Variants in ZNF133 observed in about 807,000 individuals in gnomAD.
ZNF133 encodes the protein zinc finger protein 133, also known as zinc finger protein 133 (clone pHZ-13).
In ZNF133, 26 loss-of-function variants were observed where a neutral mutation model predicts 54.9. The ratio of observed to expected loss-of-function variants is 0.47; its 90% CI spans 0.35 to 0.66. ZNF133 has a LOEUF of 0.66. Ranked by LOEUF, ZNF133 falls within the 30% of genes least tolerant of loss-of-function variation. The pLI is 0.01. For synonymous variants in ZNF133, 298 were observed against 320.3 expected (o/e 0.93, Z 0.74); for missense variants, 653 against 820.8 (o/e 0.80, Z 2.50).
intron 1 of ZNF133, among the ~76,000 whole-genome samples, chr20:18,291,709 ATTT>A (rs35116436): frequency 1.4e-5 from 2 of 138,858 alleles, no homozygotes; most frequent in Non-Finnish European, 1.6e-5. Context: ...TTCCAGTTGG[ATTT>A]TTTTTTTTTT....
intron 1 of ZNF133, among the ~76,000 whole-genome samples, chr20:18,295,730 C>T (rs938576555): frequency 3.3e-5 from 5 of 152,132 alleles, no homozygotes; most frequent in East Asian, 1.9e-4. Flanking sequence ...CAGTCAGGCT[C>T]GCTGCAGCCT....
Position 18,306,343 on chromosome 20 carries a change from G to C in ZNF133, c.167G>C (p.Gly56Ala). The C allele has an allele frequency of 6.2e-6, 10 of 1,613,956 alleles. No homozygotes were observed. Among genetic ancestry groups the C allele is most frequent in the Non-Finnish European group, 8.5e-6 (10 of 1,179,944 alleles). ...GAACTCATCACCCAGCTGGAGCAAG[G>C]GAAAGAGACCTGGAGAGAGGAAAAA... ...KPELITQLEQ[G>A]KETWREEKKC... is the part of the protein sequence containing the mutation. Residue 56 changes from glycine to alanine, a missense_variant, in exon 6 of 7, where the codon GGG becomes GCG. Gly to Ala is a moderately conservative substitution (Grantham distance 60). Around this residue, in one of 4 missense-constraint regions of ZNF133, gnomAD observed 227 missense variants for 233.9 expected, o/e 0.97. Transcript: ENST00000425686.
Position 18,306,363 on chromosome 20 carries a change from G to GA in ZNF133, c.195dup (p.Cys66MetfsTer37), listed in dbSNP as rs753775995. On this transcript the variant is annotated frameshift_variant, in exon 6 of 7. Transcript: ENST00000425686. LOFTEE classifies it high-confidence loss of function. ...GCAAGGGAAAGAGACCTGGAGAGAG[G>GA]AAAAAAAATGTTCACCGGCAACCTG... 5 of 1,613,110 alleles carry GA rather than the reference G, an allele frequency of 3.1e-6. No individual in the cohort carries two copies. The highest frequency in any genetic ancestry group is 3.4e-6 in the Non-Finnish European group (4 of 1,179,660).
chr20:18,296,376 A>G (rs1196662611), intron 1 of ZNF133, among the ~76,000 whole-genome samples: 1 of 152,158 alleles, frequency 6.6e-6, no homozygotes, highest in Non-Finnish European at 1.5e-5. Context: ...TTGTACAACC[A>G]TCACCACTAT....
chr20:18,292,229 AAGG>A (rs2090447384), intron 1 of ZNF133, among the ~76,000 whole-genome samples: 1 of 152,218 alleles, frequency 6.6e-6, no homozygotes, highest in South Asian at 2.1e-4. Context: ...GAGCAAATAG[AAGG>A]AGATTTTAAA....
At chr20:18,310,243 G>A in intron 6 of ZNF133, 2 of 1,528,908 alleles carry the variant, frequency 1.3e-6, no homozygotes, top group Non-Finnish European at 1.7e-6. Context: ...AAGTCATTGT[G>A]GTTGCCCAGG....
chr20:18,300,542 TA>T (rs1054397189), intron 3 of ZNF133, among the ~76,000 whole-genome samples: 1 of 152,108 alleles, frequency 6.6e-6, no homozygotes, highest in Non-Finnish European at 1.5e-5. Flanking sequence ...ATAGTGGATT[TA>T]AAAAAACATG....
intron 6 of ZNF133, among the ~76,000 whole-genome samples, chr20:18,310,938 A>G (rs1035072109): frequency 5.9e-5 from 9 of 152,172 alleles, no homozygotes; most frequent in African/African-American, 2.2e-4. Context: ...ATTATGAAGA[A>G]TTATATGCCC....
In ZNF133 at chr20:18,305,200, T is replaced by C. The variant is rs2044315949; in HGVS notation, c.-7+22T>C. On this transcript the variant is annotated intron_variant, in intron 4 of 6. Transcript: ENST00000425686. The surrounding 1 kb of genome is among the most constrained non-coding windows in gnomAD (Gnocchi z 4.7). Reference sequence around the variant, plus strand: ...ACAGGTAAGAAAACTGGGATACTAGTTGGTGGCAGAGGTGGGTCTGAAACT... The same window carrying C: ...ACAGGTAAGAAAACTGGGATACTAGCTGGTGGCAGAGGTGGGTCTGAAACT... The C allele has an allele frequency of 1.0e-6, 1 of 989,984 alleles. No homozygotes were observed. The highest frequency in any genetic ancestry group is 1.2e-6 in the Non-Finnish European group (1 of 833,432). The allele number at this position is 989,984 out of a possible 1,614,324, so 61.3% of individuals were successfully genotyped here. A position where few individuals can be genotyped will look rare whatever the true frequency, so the allele number is the denominator to read the frequency against.
At chr20:18,294,081 A>G (rs1392752784) in intron 1 of ZNF133, among the ~76,000 whole-genome samples, 1 of 152,208 alleles carries the variant, frequency 6.6e-6, no homozygotes, top group African/African-American at 2.4e-5. Context: ...ATTAATTATA[A>G]AGGGAAATGT....
At chr20:18,290,308 G>A (rs1226469198) in intron 1 of ZNF133, among the ~76,000 whole-genome samples, 1 of 152,124 alleles carries the variant, frequency 6.6e-6, no homozygotes, top group Non-Finnish European at 1.5e-5. Context: ...TATTTGTTCA[G>A]ACTGCTCATT....
At chr20:18,303,113 C>G (rs977254202) in intron 3 of ZNF133, among the ~76,000 whole-genome samples, 5 of 150,762 alleles carry the variant, frequency 3.3e-5, no homozygotes, top group African/African-American at 1.2e-4. Flanking sequence ...GTGGCATGAT[C>G]TTGGCTCACT....
Position 18,315,193 on chromosome 20 carries a change from A to G in ZNF133, c.342A>G (p.Glu114=). ...PPWIFTCLCA[E]GNIQPGDPGP... is the part of the protein sequence containing the mutation. ...GGATCTTCACATGCTTGTGTGCAGAAGGTAACATCCAGCCTGGGGATCCGG... is the reference window on the plus strand; with the variant it reads ...GGATCTTCACATGCTTGTGTGCAGAGGGTAACATCCAGCCTGGGGATCCGG... The change falls in exon 7 of 7, where the codon GAA becomes GAG. Residue 114 remains glutamate (E), a synonymous_variant. Transcript: ENST00000425686. 6.2e-7 allele frequency: 1 copy of G among 1,613,878 alleles called. No individual in the cohort carries two copies. Among genetic ancestry groups the G allele is most frequent in the East Asian group, 2.2e-5 (1 of 44,868 alleles).
chr20:18,300,058 T>G (rs2147193821), intron 3 of ZNF133, among the ~76,000 whole-genome samples: 1 of 152,332 alleles, frequency 6.6e-6, no homozygotes, highest in Middle Eastern at 3.4e-3. Context: ...TAAGCTAGTA[T>G]TACTGTAACT....
intron 6 of ZNF133, chr20:18,306,612 C>A (rs1163627481): frequency 2.1e-6 from 2 of 958,358 alleles, no homozygotes; most frequent in Non-Finnish European, 3.0e-6. Context: ...CACTAGGAAG[C>A]CTTTTTTCCT....
Position 18,316,796 on chromosome 20 carries a change from G to T in ZNF133, c.1945G>T (p.Asp649Tyr), listed in dbSNP as rs781671826. The T allele has an allele frequency of 1.9e-6, 3 of 1,612,260 alleles. No homozygotes were observed. Among genetic ancestry groups the T allele is most frequent in the African/African-American group, 2.7e-5 (2 of 74,918 alleles). ...TGAGCCGTGTGCAGGGCAACCTTCG[G>T]ATTCCTTATACTCTCTCTGAAGGCA... The part of the protein sequence containing the change: ...DPEPCAGQPS[D>Y]SLYSL Residue 649 changes from aspartate (D) to tyrosine (Y), a missense_variant, in exon 7 of 7, where the codon GAT (aspartate) becomes TAT (tyrosine). Transcript: ENST00000425686.
chr20:18,298,286 C>A lies in ZNF133; in HGVS notation c.-353-3C>A. 7.3e-7 allele frequency: 1 copy of A among 1,362,724 alleles called. No homozygotes were observed. The highest frequency in any genetic ancestry group is 9.4e-7 in the Non-Finnish European group (1 of 1,060,120). 84.4% of individuals were successfully genotyped at this position (1,362,724 alleles called of 1,614,324 possible). ...GAGATAGAGTCTGCATTTCTTTGTT[C>A]AGCTTCAAAAGTTCTGCTGCCTGAG... On this transcript the variant is annotated splice_polypyrimidine_tract_variant and splice_region_variant and intron_variant, in intron 2 of 6. Coordinates refer to ENST00000425686, the MANE Select transcript of ZNF133 (RefSeq NM_001352452.2).
chr20:18,310,362 A>G, intron 6 of ZNF133: 1 of 1,492,822 alleles, frequency 6.7e-7, no homozygotes, highest in African/African-American at 1.4e-5. Flanking sequence ...TGGATTTAAG[A>G]CAGGCAATAT....
chr20:18,312,362 TAC>T (rs1421072505), intron 6 of ZNF133, among the ~76,000 whole-genome samples: 1 of 152,260 alleles, frequency 6.6e-6, no homozygotes, highest in Non-Finnish European at 1.5e-5. Flanking sequence ...TGAGAAAGCC[TAC>T]ATATCAGAAC....
Sources: allele counts gnomAD v4.1 joint callset (sites outside exome capture counted in the v4.1 genomes callset), GRCh38; gene constraint gnomAD v4.1.1; regional missense constraint gnomAD v4.1.1; non-coding constraint Gnocchi (gnomAD v3.1); transcripts MANE v1.5; gene names NCBI Gene and HGNC (gene_info 2026-07-23, HGNC 2026-07-21).